Variants in COL9A2 observed in about 807,000 individuals in gnomAD.
COL9A2 encodes collagen alpha-2(IX) chain.
A neutral mutation model predicts 111.6 loss-of-function variants in COL9A2; 66 were observed. The observed-to-expected ratio is 0.59, with a 90% CI of 0.48 to 0.73. The LOEUF (loss-of-function observed/expected upper bound fraction) is 0.73. COL9A2 is among the 30% of genes least tolerant of loss of function. The probability of loss-of-function intolerance (pLI) is 0.00; values close to 1 mark genes in which losing one functional copy is unlikely to be tolerated. For synonymous variants in COL9A2, 353 were observed against 364.1 expected, an observed-to-expected ratio of 0.97 and a Z score of 0.35; for missense variants, 881 against 954.1, an observed-to-expected ratio of 0.92 and a Z score of 1.01.
Position 40,306,148 on chromosome 1 carries a change from C to G in COL9A2, c.1048G>C (p.Asp350His), listed in dbSNP as rs1187869451. 1 of 1,614,156 alleles carries G rather than the reference C, an allele frequency of 6.2e-7. No individual in the cohort carries two copies. The highest frequency in any genetic ancestry group is 8.5e-7 in the Non-Finnish European group (1 of 1,180,034). ...CCAGCTTGGGATCGCCTCACCTGGT[C>G]TCCAGGGCCTCCTTTTGTCCCAGGC... is the stretch of plus-strand genomic sequence containing the variant. Reference protein sequence around the residue: ...GQPGTKGGPGDQGEPGPQGLP... With the variant: ...GQPGTKGGPGHQGEPGPQGLP... Residue 350 changes from aspartate to histidine, a missense_variant, in exon 20 of 32, where the codon GAC becomes CAC. Coordinates refer to ENST00000372748, the MANE Select transcript of COL9A2 (RefSeq NM_001852.4).
In COL9A2 at chr1:40,301,743, G is replaced by C. The variant is rs144792323; in HGVS notation, c.1870+69C>G. On this transcript the variant is annotated intron_variant, in intron 31 of 31. Coordinates refer to ENST00000372748, the MANE Select transcript of COL9A2 (RefSeq NM_001852.4). Reference sequence around the variant, plus strand: ...GCGTGAGGCCGCCATGGAGGAGACCGCAGTGTCCACACGTCATTAATTCCC... The same window carrying C: ...GCGTGAGGCCGCCATGGAGGAGACCCCAGTGTCCACACGTCATTAATTCCC... 25 of 1,445,964 alleles carry C rather than the reference G, an allele frequency of 1.7e-5. No homozygotes were observed. The Admixed American group carries it at 4.1e-4, about 23-fold the overall frequency. The allele number at this position is 1,445,964 out of a possible 1,614,324, so 89.6% of individuals were successfully genotyped here. A position where few individuals can be genotyped will look rare whatever the true frequency, so the allele number is the denominator to read the frequency against.
At position 40,303,096 on chromosome 1, in the gene COL9A2, C is replaced by T. The variant is rs902947749; in HGVS notation, c.1603+35G>A. 3.7e-6 allele frequency: 6 copies of T among 1,605,384 alleles called. No individual in the cohort carries two copies. The East Asian group carries it at 9.0e-5, about 24-fold the overall frequency. ...GGGGGTGAGGGGGCGGCGATGCCCT[C>T]GAACTGACTGTGAGGAGGGGTTGCT... is the stretch of plus-strand genomic sequence containing the variant. On this transcript the variant is annotated intron_variant, in intron 29 of 31. Coordinates refer to ENST00000372748, the MANE Select transcript of COL9A2 (RefSeq NM_001852.4). The surrounding 1 kb of genome is among the most constrained non-coding windows in gnomAD (Gnocchi z 4.6).
At chr1:40,309,551 G>A (rs1365570144) in intron 16 of COL9A2, among the ~76,000 whole-genome samples, 1 of 151,930 alleles carries the variant, frequency 6.6e-6, no homozygotes, top group East Asian at 1.9e-4. Context: ...TGGATCCCAG[G>A]GCTTCGCCTA....
In COL9A2 at chr1:40,307,355, G is replaced by T; in HGVS notation, c.1008+91C>A. The T allele has an allele frequency of 8.1e-7, 1 of 1,241,386 alleles. No homozygotes were observed. The highest frequency in any genetic ancestry group is 1.2e-6 in the Non-Finnish European group (1 of 860,680). 76.9% of individuals were successfully genotyped at this position (1,241,386 alleles called of 1,614,324 possible). A position where few individuals can be genotyped will look rare whatever the true frequency, so the allele number is the denominator to read the frequency against. On this transcript the variant is annotated intron_variant, in intron 19 of 31. Transcript: ENST00000372748. This position sits in a 1 kb window ranked among gnomAD's most constrained non-coding sequence, Gnocchi z 4.8. ...AGAGTTGGTAACAAGGCAAGAGGTG[G>T]TGATTGAGCAAGAGCCCCGGGTGTG...
intron 19 of COL9A2, among the ~76,000 whole-genome samples, chr1:40,306,531 G>C (rs77156129): frequency 0.06 from 9,206 of 152,288 alleles, 433 homozygotes; most frequent in East Asian, 0.12. Context: ...GGGAGGGCAG[G>C]CTCCCATGGA....
rs117353185 is a variant in COL9A2, at chr1:40,316,250, C to T, written c.76-586G>A. On this transcript the variant is annotated intron_variant, in intron 1 of 31. Transcript: ENST00000372748. The surrounding 1 kb of genome is among the most constrained non-coding windows in gnomAD (Gnocchi z 5.5). ...GGAGGTGAAGCGGGTACTATCTTCCCACTCGGAGCGCCCCTTCGGCAGCAC... is the reference window on the plus strand; with the variant it reads ...GGAGGTGAAGCGGGTACTATCTTCCTACTCGGAGCGCCCCTTCGGCAGCAC... The T allele has an allele frequency of 0.02, 3,483 of 178,484 alleles. 60 individuals are homozygous for T. Among genetic ancestry groups the T allele is most frequent in the South Asian group, 0.042 (456 of 10,948 alleles). The allele number at this position is 178,484 out of a possible 1,614,324, so 11.1% of individuals were successfully genotyped here.
chr1:40,304,702 C>G, intron 22 of COL9A2, 92 bp downstream of exon 22: 2 of 1,412,662 alleles, frequency 1.4e-6, no homozygotes, highest in Middle Eastern at 2.2e-4. Flanking sequence ...CCTGGGGAGG[C>G]ATCTCACGGG....
In COL9A2 at chr1:40,310,636, G is replaced by GC; in HGVS notation, c.684+77dup. 1 of 1,259,090 alleles carries GC rather than the reference G, an allele frequency of 7.9e-7. No individual in the cohort carries two copies. 78.0% of individuals were successfully genotyped at this position (1,259,090 alleles called of 1,614,324 possible). On this transcript the variant is annotated intron_variant, in intron 13 of 31. Coordinates refer to ENST00000372748, the MANE Select transcript of COL9A2 (RefSeq NM_001852.4). The surrounding 1 kb of genome is among the most constrained non-coding windows in gnomAD (Gnocchi z 4.9). ...CAGGTGTCTCTTTTACAAGCTAGAG[G>GC]CCTGAGCAGGGGAATGACTCCATGA... is the stretch of plus-strand genomic sequence containing the variant.
In COL9A2 at chr1:40,302,922, A is replaced by T. The variant is rs2124042165; in HGVS notation, c.1604-113T>A. The T allele has an allele frequency of 8.2e-7, 1 of 1,224,802 alleles. No individual in the cohort carries two copies. Among genetic ancestry groups the T allele is most frequent in the East Asian group, 2.6e-5 (1 of 39,208 alleles). The allele number at this position is 1,224,802 out of a possible 1,614,324, so 75.9% of individuals were successfully genotyped here. On this transcript the variant is annotated intron_variant, in intron 29 of 31. Transcript: ENST00000372748. The surrounding 1 kb of genome is among the most constrained non-coding windows in gnomAD (Gnocchi z 4.5). Reference sequence around the variant, plus strand: ...CCCTGGCCCCTAGGTTTGCAGACAGAAAAGCACCACCTTCCGTGGGCTCTG... The same window carrying T: ...CCCTGGCCCCTAGGTTTGCAGACAGTAAAGCACCACCTTCCGTGGGCTCTG...
intron 21 of COL9A2, among the ~76,000 whole-genome samples, chr1:40,305,362 T>G (rs1644010872): frequency 6.6e-6 from 1 of 152,220 alleles, no homozygotes; most frequent in African/African-American, 2.4e-5. Context: ...GCGTGATCAT[T>G]TATTTCATGT....
rs200428596 is a variant in COL9A2, at chr1:40,304,518, G to A, written c.1173C>T (p.Gly391=). Residue 391 remains glycine (G), a synonymous_variant, in exon 23 of 32, where the codon GGC becomes GGT. Coordinates refer to ENST00000372748, the MANE Select transcript of COL9A2 (RefSeq NM_001852.4). ...QGIMGQKGDQ[G]ERGPVGQPGP... ...CTGGTTGCCCCACTGGACCCCTCTC[G>A]CCTTGGTCACCCTGAAATGGAAAGA... The A allele has an allele frequency of 6.2e-6, 10 of 1,614,110 alleles. No homozygotes were observed. In the East Asian group the frequency reaches 1.3e-4, roughly 22 times the overall value.
At position 40,303,540 on chromosome 1, in the gene COL9A2, T is replaced by C; in HGVS notation, c.1538A>G (p.Gln513Arg). The C allele has an allele frequency of 6.2e-7, 1 of 1,612,634 alleles. No individual in the cohort carries two copies. The highest frequency in any genetic ancestry group is 8.5e-7 in the Non-Finnish European group (1 of 1,179,772). ...NRGVPGQPGR[Q>R]GVEGRDATDQ... ...CGGGGCCCGACTCACCTCCACGCCC[T>C]GTCTCCCGGGCTGTCCTGGCACGCC... The change falls in exon 28 of 32, where the codon CAG becomes CGG. Residue 513 changes from glutamine to arginine, a missense_variant. By Grantham distance (43) the Gln-to-Arg change is conservative. Coordinates refer to ENST00000372748, the MANE Select transcript of COL9A2 (RefSeq NM_001852.4). This position sits in a 1 kb window ranked among gnomAD's most constrained non-coding sequence, Gnocchi z 4.6.
At position 40,310,885 on chromosome 1, in the gene COL9A2, C is replaced by T; in HGVS notation, c.631-118G>A. On this transcript the variant is annotated intron_variant, in intron 12 of 31. Coordinates refer to ENST00000372748, the MANE Select transcript of COL9A2 (RefSeq NM_001852.4). The surrounding 1 kb of genome is among the most constrained non-coding windows in gnomAD (Gnocchi z 4.9). Reference sequence around the variant, plus strand: ...GCAGACGGGAGGGACTACTACGAACCCTACAGTCCTGTGTTACAGATAGAG... The same window carrying T: ...GCAGACGGGAGGGACTACTACGAACTCTACAGTCCTGTGTTACAGATAGAG... The T allele has an allele frequency of 1.9e-6, 2 of 1,053,384 alleles. No homozygotes were observed. The highest frequency in any genetic ancestry group is 2.0e-5 in the Admixed American group (1 of 50,426). The allele number at this position is 1,053,384 out of a possible 1,614,324, so 65.3% of individuals were successfully genotyped here. A position where few individuals can be genotyped will look rare whatever the true frequency, so the allele number is the denominator to read the frequency against.
At chr1:40,306,119 G>A (rs1372692596) in intron 20 of COL9A2, 24 bp downstream of exon 20, 1 of 1,613,914 alleles carries the variant, frequency 6.2e-7, no homozygotes, top group South Asian at 1.1e-5. Context: ...GCTCAATTCT[G>A]TCCCCAGCTT....
Position 40,302,989 on chromosome 1 carries a change from C to T in COL9A2, c.1603+142G>A. 9.1e-7 allele frequency: 1 copy of T among 1,103,896 alleles called. No individual in the cohort carries two copies. Among genetic ancestry groups the T allele is most frequent in the Non-Finnish European group, 1.3e-6 (1 of 750,342 alleles). 68.4% of individuals were successfully genotyped at this position (1,103,896 alleles called of 1,614,324 possible). On this transcript the variant is annotated intron_variant, in intron 29 of 31. Coordinates refer to ENST00000372748, the MANE Select transcript of COL9A2 (RefSeq NM_001852.4). This position sits in a 1 kb window ranked among gnomAD's most constrained non-coding sequence, Gnocchi z 4.5. ...GGCCCAGAGTGACTTATTCAAGGTC[C>T]CAAAACCCTTCAGAGACTGGACTGG...
rs1644043912 is a variant in COL9A2, at chr1:40,307,251, A to G, written c.1008+195T>C. Among the ~76,000 whole-genome samples the G allele has an allele frequency of 1.3e-5, 2 of 152,254 alleles. No homozygotes were observed. Among genetic ancestry groups the G allele is most frequent in the Admixed American group, 1.3e-4 (2 of 15,288 alleles). ...GAAATGGTCAGATCCCATTTAGCCA[A>G]CATGGAGGACTGGAATGGCCAAAGA... On this transcript the variant is annotated intron_variant, in intron 19 of 31. Coordinates refer to ENST00000372748, the MANE Select transcript of COL9A2 (RefSeq NM_001852.4). This position sits in a 1 kb window ranked among gnomAD's most constrained non-coding sequence, Gnocchi z 4.8.
rs769196136 is a variant in COL9A2, at chr1:40,314,281, A to G, written c.187-14T>C. 26 of 1,614,038 alleles carry G rather than the reference A, an allele frequency of 1.6e-5. No homozygotes were observed. The highest frequency in any genetic ancestry group is 2.1e-5 in the Non-Finnish European group (25 of 1,180,030). On this transcript the variant is annotated splice_polypyrimidine_tract_variant and intron_variant, in intron 3 of 31. Transcript: ENST00000372748. This position sits in a 1 kb window ranked among gnomAD's most constrained non-coding sequence, Gnocchi z 4.1. Reference sequence around the variant, plus strand: ...GCCCTTGGGTCCCTTGAAAACAGAGATGGAACAAACATGAGCCAGAGGAGG... The same window carrying G: ...GCCCTTGGGTCCCTTGAAAACAGAGGTGGAACAAACATGAGCCAGAGGAGG...
At chr1:40,309,799 A>T in intron 16 of COL9A2, 139 bp downstream of exon 16, 1 of 842,750 alleles carries the variant, frequency 1.2e-6, no homozygotes, top group South Asian at 1.4e-5. Flanking sequence ...ACACACACAC[A>T]CTACACACTC....
rs996311745 is a variant in COL9A2, at chr1:40,311,877, G to A, written c.418-162C>T. ...TGAAGGCCTGATTGACAGGGGATGG[G>A]GCCAGCGGCGTCCCTAAAAGACCTA... On this transcript the variant is annotated intron_variant, in intron 8 of 31. Transcript: ENST00000372748. The surrounding 1 kb of genome is among the most constrained non-coding windows in gnomAD (Gnocchi z 5.1). Among the ~76,000 whole-genome samples, 4 of 152,124 alleles carry A rather than the reference G, an allele frequency of 2.6e-5. No individual in the cohort carries two copies. Among genetic ancestry groups the A allele is most frequent in the African/African-American group, 9.7e-5 (4 of 41,412 alleles).
Sources: allele counts gnomAD v4.1 joint callset (sites outside exome capture counted in the v4.1 genomes callset), GRCh38; gene constraint gnomAD v4.1.1; non-coding constraint Gnocchi (gnomAD v3.1); transcripts MANE v1.5; gene names NCBI Gene and HGNC (gene_info 2026-07-23, HGNC 2026-07-21).